Variants in NINJ2 observed in about 807,000 individuals in gnomAD.
NINJ2 encodes ninjurin 2.
Under a neutral mutation model 11.7 loss-of-function variants are expected in NINJ2, and 12 were observed. The observed-to-expected ratio is 1.02, with a 90% CI of 0.66 to 1.66. NINJ2 has a LOEUF of 1.66. Among genes scored for constraint, NINJ2 ranks in the 40% most tolerant of loss-of-function variants. The pLI is 0.00. For missense variants in NINJ2, 187 were observed against 181.8 expected, an observed-to-expected ratio of 1.03 and a Z score of -0.16; for synonymous variants, 93 against 76.8, an observed-to-expected ratio of 1.21 and a Z score of -1.10.
intron 1 of NINJ2, chr12:645,852 A>C (rs1937668480): frequency 6.6e-6 from 1 of 152,060 alleles, no homozygotes; most frequent in Non-Finnish European, 1.5e-5. Context: ...GATTTTCCTT[A>C]TTAAAGAGCT....
chr12:576,365 G>C lies in NINJ2; in HGVS notation c.34-10187C>G, dbSNP rs529486260. ...GGGCTTTGACCCCTTTGTGATCGAG[G>C]ACACGGACGGGTTTCTCTCCAACAA... On this transcript the variant is annotated intron_variant, in intron 1 of 3. Coordinates refer to ENST00000305108, the MANE Select transcript of NINJ2 (RefSeq NM_016533.6). Among the ~76,000 whole-genome samples the C allele has an allele frequency of 3.3e-5, 5 of 152,376 alleles. No homozygotes were observed. The South Asian group carries it at 1.0e-3, about 32-fold the overall frequency.
intron 1 of NINJ2, among the ~76,000 whole-genome samples, chr12:582,068 G>A (rs1947563093): frequency 1.3e-5 from 2 of 152,188 alleles, no homozygotes; most frequent in African/African-American, 2.4e-5. Flanking sequence ...CTCCAGAGAG[G>A]ACAGAACTTA....
intron 1 of NINJ2, among the ~76,000 whole-genome samples, chr12:572,693 G>A (rs1157028889): frequency 6.6e-6 from 1 of 152,152 alleles, no homozygotes; most frequent in East Asian, 1.9e-4. Context: ...CACAGGACAT[G>A]AGTCACCTTA....
intron 1 of NINJ2, among the ~76,000 whole-genome samples, chr12:647,564 G>A (rs543031174): frequency 4.0e-4 from 61 of 152,282 alleles, no homozygotes; most frequent in African/African-American, 1.3e-3. Flanking sequence ...TGGGCCCCTT[G>A]ATCTGCTGAC....
At position 592,323 on chromosome 12, in the gene NINJ2, C is replaced by T. The variant is rs192931235; in HGVS notation, c.34-26145G>A. On this transcript the variant is annotated intron_variant, in intron 1 of 3. Transcript: ENST00000305108. ...GGAGGGATTCAGAGTGGACCCGTCA[C>T]GGTACATTCTTGTGAATATCCAACA... Among the ~76,000 whole-genome samples the T allele has an allele frequency of 1.4e-4, 21 of 152,240 alleles. 1 individual carries two copies. Among genetic ancestry groups the T allele is most frequent in the Middle Eastern group, 3.4e-3 (1 of 294 alleles).
At chr12:630,277 C>G (rs1478794514) in intron 1 of NINJ2, among the ~76,000 whole-genome samples, 7 of 152,092 alleles carry the variant, frequency 4.6e-5, no homozygotes, top group African/African-American at 1.7e-4. Flanking sequence ...AGTGACTCTT[C>G]AGTTGTAATT....
rs187990524 is a variant in NINJ2 at position 603,143 on chromosome 12, C to T, written c.34-36965G>A. On this transcript the variant is annotated intron_variant, in intron 1 of 3. Coordinates refer to ENST00000305108, the MANE Select transcript of NINJ2 (RefSeq NM_016533.6). Reference sequence around the variant, plus strand: ...TGAGCCACCACACTGGGCCTGTTTGCGGTTTTGAGTTTATATTTTCTTGCT... The same window carrying T: ...TGAGCCACCACACTGGGCCTGTTTGTGGTTTTGAGTTTATATTTTCTTGCT... Among the ~76,000 whole-genome samples, 15 of 152,154 alleles carry T rather than the reference C, an allele frequency of 9.9e-5. No individual in the cohort carries two copies. The East Asian group carries it at 2.5e-3, about 25-fold the overall frequency.
At position 614,255 on chromosome 12, in the gene NINJ2, T is replaced by C. The variant is rs1052871048; in HGVS notation, c.34-48077A>G. ...GGGTCCATGGGTATTGGGAAGTTAC[T>C]AATCCCACTGTGGTTTATACCTCAT... On this transcript the variant is annotated intron_variant, in intron 1 of 3. Transcript: ENST00000305108. This position sits in a 1 kb window ranked among gnomAD's most constrained non-coding sequence, Gnocchi z 5.1. Among the ~76,000 whole-genome samples the C allele has an allele frequency of 6.6e-6, 1 of 152,232 alleles. No homozygotes were observed. The highest frequency in any genetic ancestry group is 6.5e-5 in the Admixed American group (1 of 15,286).
intron 1 of NINJ2, among the ~76,000 whole-genome samples, chr12:605,541 C>G (rs1258805833): frequency 6.6e-6 from 1 of 152,148 alleles, no homozygotes; most frequent in African/African-American, 2.4e-5. Context: ...GCCGGAGAGA[C>G]AGAGCAAGAC....
chr12:605,728 T>C (rs1286382812), intron 1 of NINJ2, among the ~76,000 whole-genome samples: 3 of 152,080 alleles, frequency 2.0e-5, no homozygotes, highest in African/African-American at 7.3e-5. Flanking sequence ...GATGAGGGGT[T>C]TTGGGGTTTG....
rs1421604378 is a variant in NINJ2, at chr12:628,904, C to T, written c.33+34424G>A. Among the ~76,000 whole-genome samples, 4 of 152,156 alleles carry T rather than the reference C, an allele frequency of 2.6e-5. No individual in the cohort carries two copies. Among genetic ancestry groups the T allele is most frequent in the African/African-American group, 9.7e-5 (4 of 41,432 alleles). ...TATATGGTCTAAAAGAAGGAGGAGT[C>T]CTCAACTGGGGGAGGGGGAAAATCT... On this transcript the variant is annotated intron_variant, in intron 1 of 3. Transcript: ENST00000305108. This position sits in a 1 kb window ranked among gnomAD's most constrained non-coding sequence, Gnocchi z 4.4.
At chr12:656,079 G>A (rs1396231679) in intron 1 of NINJ2, among the ~76,000 whole-genome samples, 1 of 152,010 alleles carries the variant, frequency 6.6e-6, no homozygotes, top group Non-Finnish European at 1.5e-5. Context: ...AGAAGCAAAA[G>A]ACCCGCAGGG....
At chr12:608,714 G>T (rs1437459213) in intron 1 of NINJ2, among the ~76,000 whole-genome samples, 2 of 137,114 alleles carry the variant, frequency 1.5e-5, no homozygotes, top group African/African-American at 6.0e-5. Flanking sequence ...AGCTAAATAT[G>T]AATAACTCAG....
chr12:643,160 C>CAG (rs1186195320), intron 1 of NINJ2: 18 of 155,070 alleles, frequency 1.2e-4, no homozygotes, highest in African/African-American at 3.8e-4. Flanking sequence ...TGTCCCCCTG[C>CAG]CGCTGCCCAA....
In NINJ2 at chr12:614,622, T is replaced by C. The variant is rs1010854997; in HGVS notation, c.34-48444A>G. Among the ~76,000 whole-genome samples, 2 of 152,224 alleles carry C rather than the reference T, an allele frequency of 1.3e-5. No individual in the cohort carries two copies. The highest frequency in any genetic ancestry group is 6.5e-5 in the Admixed American group (1 of 15,274). On this transcript the variant is annotated intron_variant, in intron 1 of 3. Transcript: ENST00000305108. This position sits in a 1 kb window ranked among gnomAD's most constrained non-coding sequence, Gnocchi z 5.1. ...TCCTCCTCCATGCCTAGACGTTCTT[T>C]AGTACCTGTGCTCTAAGAGGATTCC...
At chr12:649,019 T>TATCTATCTATCTATC (rs1937742182) in intron 1 of NINJ2, among the ~76,000 whole-genome samples, 1 of 151,902 alleles carries the variant, frequency 6.6e-6, no homozygotes, top group South Asian at 2.1e-4. Context: ...TCTATCTATC[T>TATCTATCTATCTATC]ATCTATCTAT....
rs114256648 is a variant in NINJ2 at position 606,874 on chromosome 12, A to G, written c.34-40696T>C. On this transcript the variant is annotated intron_variant, in intron 1 of 3. Coordinates refer to ENST00000305108, the MANE Select transcript of NINJ2 (RefSeq NM_016533.6). ...CAGAACAGAGGGGAAAGGAAGAAAGAGTGGAGCAAAAGAAGGGAGGGAGAG... is the reference window on the plus strand; with the variant it reads ...CAGAACAGAGGGGAAAGGAAGAAAGGGTGGAGCAAAAGAAGGGAGGGAGAG... 7.5e-3 allele frequency among the ~76,000 whole-genome samples: 1,144 copies of G among 152,244 alleles called. 4 individuals are homozygous for G. The highest frequency in any genetic ancestry group is 9.2e-3 in the Non-Finnish European group (627 of 68,024).
chr12:653,433 A>G (rs945718659), intron 1 of NINJ2, among the ~76,000 whole-genome samples: 1 of 152,188 alleles, frequency 6.6e-6, no homozygotes, highest in African/African-American at 2.4e-5. Context: ...ATATATGTAT[A>G]CATATATGTG....
At chr12:583,275 G>A (rs945238674) in intron 1 of NINJ2, among the ~76,000 whole-genome samples, 13 of 152,212 alleles carry the variant, frequency 8.5e-5, no homozygotes, top group Admixed American at 2.6e-4. Flanking sequence ...TGCCTTTAGC[G>A]CTGGCCCAGA....
Sources: allele counts gnomAD v4.1 joint callset (sites outside exome capture counted in the v4.1 genomes callset), GRCh38; gene constraint gnomAD v4.1.1; non-coding constraint Gnocchi (gnomAD v3.1); transcripts MANE v1.5; gene names NCBI Gene and HGNC (gene_info 2026-07-23, HGNC 2026-07-21).